LRFN2: variants seen among roughly 807,000 people sequenced by gnomAD.
LRFN2 encodes the protein leucine-rich repeat and fibronectin type-III domain-containing protein 2.
In LRFN2, 18 loss-of-function variants were observed where a neutral mutation model predicts 37.3. The observed-to-expected ratio is 0.48, with a 90% CI of 0.33 to 0.72. The LOEUF is 0.72. Ranked by LOEUF, LRFN2 falls within the 30% of genes least tolerant of loss-of-function variation. The pLI is 0.02. For missense variants in LRFN2, 1,006 were observed against 1,060.7 expected (o/e 0.95, Z 0.72); for synonymous variants, 556 against 466.6 (o/e 1.19, Z -2.47).
intron 2 of LRFN2, among the ~76,000 whole-genome samples, chr6:40,425,697 C>A (rs971421088): frequency 1.3e-5 from 2 of 152,216 alleles, no homozygotes; most frequent in Non-Finnish European, 2.9e-5. Context: ...ACAGGCCAGG[C>A]CCTGCTGGTG....
chr6:40,515,303 G>T (rs1765831641), intron 1 of LRFN2, among the ~76,000 whole-genome samples: 1 of 152,178 alleles, frequency 6.6e-6, no homozygotes, highest in African/African-American at 2.4e-5. Flanking sequence ...AAGACCTCCA[G>T]ATTGGAAACT....
At chr6:40,465,729 G>C (rs551528101) in intron 1 of LRFN2, among the ~76,000 whole-genome samples, 1 of 152,238 alleles carries the variant, frequency 6.6e-6, no homozygotes, top group African/African-American at 2.4e-5. Flanking sequence ...CAAATTTCTG[G>C]GAATTTGGGG....
chr6:40,563,757 G>A (rs1313572809), intron 1 of LRFN2, among the ~76,000 whole-genome samples: 1 of 152,150 alleles, frequency 6.6e-6, no homozygotes, highest in Non-Finnish European at 1.5e-5. Flanking sequence ...AGATGTGGAA[G>A]TAGCTTCAGC....
At chr6:40,442,559 C>T (rs770656266) in intron 1 of LRFN2, among the ~76,000 whole-genome samples, 18 of 151,828 alleles carry the variant, frequency 1.2e-4, no homozygotes, top group Non-Finnish European at 1.3e-4. Flanking sequence ...TCCCTGAGGA[C>T]GGGGCCGCGT....
intron 1 of LRFN2, among the ~76,000 whole-genome samples, chr6:40,501,158 ATCTG>A (rs1765372011): frequency 6.6e-6 from 1 of 151,114 alleles, no homozygotes; most frequent in African/African-American, 2.4e-5. Context: ...ATATATATCT[ATCTG>A]TCTAAAATAA....
At chr6:40,558,637 G>A (rs562971140) in intron 1 of LRFN2, among the ~76,000 whole-genome samples, 2 of 152,318 alleles carry the variant, frequency 1.3e-5, no homozygotes, top group South Asian at 4.1e-4. Context: ...GGGGGAAGGC[G>A]AGGGCTAGAC....
chr6:40,500,741 A>G (rs1765360293), intron 1 of LRFN2, among the ~76,000 whole-genome samples: 1 of 152,228 alleles, frequency 6.6e-6, no homozygotes, highest in South Asian at 2.1e-4. Context: ...AATATTCACC[A>G]ATACTGGGGA....
intron 1 of LRFN2, among the ~76,000 whole-genome samples, chr6:40,472,693 G>C (rs1211788302): frequency 1.3e-5 from 2 of 152,144 alleles, no homozygotes; most frequent in Non-Finnish European, 2.9e-5. Context: ...GGGAGCCCTG[G>C]ATGTGACCTG....
intron 2 of LRFN2, among the ~76,000 whole-genome samples, chr6:40,419,139 GC>G (rs1763162150): frequency 6.6e-6 from 1 of 152,196 alleles, no homozygotes; most frequent in South Asian, 2.1e-4. Context: ...GGGGCTTTCT[GC>G]CAGGAAAGTC....
chr6:40,422,979 CAT>C (rs1763263858), intron 2 of LRFN2, among the ~76,000 whole-genome samples: 1 of 152,204 alleles, frequency 6.6e-6, no homozygotes, highest in East Asian at 1.9e-4. Flanking sequence ...AAGGGAATAA[CAT>C]GTGGAGAAAT....
chr6:40,572,865 C>G (rs1423507070), intron 1 of LRFN2, among the ~76,000 whole-genome samples: 2 of 152,132 alleles, frequency 1.3e-5, no homozygotes, highest in African/African-American at 4.8e-5. Flanking sequence ...CATTCTGCAA[C>G]AAGGTGCCTC....
At chr6:40,580,174 C>A (rs752990571) in intron 1 of LRFN2, among the ~76,000 whole-genome samples, 23 of 152,276 alleles carry the variant, frequency 1.5e-4, no homozygotes, top group Non-Finnish European at 2.5e-4. Context: ...GGCAGTCCAC[C>A]CTTCTCCCAC....
At chr6:40,435,038 TATATATATATATATAGAG>T (rs1261337843) in intron 1 of LRFN2, among the ~76,000 whole-genome samples, 14 of 93,116 alleles carry the variant, frequency 1.5e-4, no homozygotes, top group East Asian at 6.5e-4. Context: ...TATATATATA[TATATATATATATATAGAG>T]AGAGAGAGAG....
intron 1 of LRFN2, among the ~76,000 whole-genome samples, chr6:40,454,466 G>A (rs1159563470): frequency 6.6e-6 from 1 of 152,150 alleles, no homozygotes; most frequent in Admixed American, 6.5e-5. Flanking sequence ...AGCAGAGAAG[G>A]GCTGTCTGCA....
At chr6:40,408,966 G>A (rs1762904673) in intron 2 of LRFN2, among the ~76,000 whole-genome samples, 1 of 152,220 alleles carries the variant, frequency 6.6e-6, no homozygotes, top group South Asian at 2.1e-4. Context: ...CCTTCTTTCT[G>A]TATCCTCACA....
chr6:40,575,168 G>A (rs918416689), intron 1 of LRFN2, among the ~76,000 whole-genome samples: 1 of 151,930 alleles, frequency 6.6e-6, no homozygotes, highest in Non-Finnish European at 1.5e-5. Flanking sequence ...GCAGTGGGCA[G>A]CACGCAGCAG....
At chr6:40,571,291 C>A (rs1239816860) in intron 1 of LRFN2, among the ~76,000 whole-genome samples, 1 of 152,208 alleles carries the variant, frequency 6.6e-6, no homozygotes, top group Non-Finnish European at 1.5e-5. Context: ...TGGAATCATG[C>A]AAGGCTGGTT....
chr6:40,415,515 G>A (rs981314930), intron 2 of LRFN2, among the ~76,000 whole-genome samples: 2 of 152,062 alleles, frequency 1.3e-5, no homozygotes, highest in Non-Finnish European at 1.5e-5. Context: ...CATGAGCCAC[G>A]CACCCGGCCT....
At chr6:40,480,251 G>C (rs1015680847) in intron 1 of LRFN2, among the ~76,000 whole-genome samples, 4 of 152,262 alleles carry the variant, frequency 2.6e-5, no homozygotes, top group Admixed American at 1.3e-4. Flanking sequence ...GTCTGGCCAG[G>C]AGTTCAGTTC....
Sources: allele counts gnomAD v4.1 joint callset (sites outside exome capture counted in the v4.1 genomes callset), GRCh38; gene constraint gnomAD v4.1.1; transcripts MANE v1.5; gene names NCBI Gene and HGNC (gene_info 2026-07-23, HGNC 2026-07-21).